Variants in RALGPS1 observed in about 807,000 individuals in gnomAD.
RALGPS1 encodes the protein Ral GEF with PH domain and SH3 binding motif 1.
A neutral mutation model predicts 78.8 loss-of-function variants in RALGPS1; 19 were observed. The ratio of observed to expected loss-of-function variants is 0.24; its 90% confidence interval spans 0.17 to 0.35. The LOEUF is 0.35. Among genes scored for constraint, RALGPS1 ranks in the 10% least tolerant of loss-of-function variants. The probability of loss-of-function intolerance (pLI) is 1.00; values close to 1 mark genes in which losing one functional copy is unlikely to be tolerated. For missense variants in RALGPS1, 454 were observed against 688.3 expected (o/e 0.66, Z 3.81); for synonymous variants, 228 against 256.3 (o/e 0.89, Z 1.06).
chr9:127,107,729 T>C (rs1212332073), intron 8 of RALGPS1, among the ~76,000 whole-genome samples: 1 of 152,186 alleles, frequency 6.6e-6, no homozygotes, highest in East Asian at 1.9e-4. Context: ...CTAAGGAATG[T>C]GGTTCCCCTG....
rs78688500 is a variant in RALGPS1, at chr9:127,183,707, G to A, written c.910+8925G>A. On this transcript the variant is annotated intron_variant, in intron 11 of 18. Transcript: ENST00000259351. This position sits in a 1 kb window ranked among gnomAD's most constrained non-coding sequence, Gnocchi z 4.0. ...AGAGAACAGCCAGGGGCAAGCTGTA[G>A]GCCCTCTCTCCATGTGCTCCTCTCT... 2.9e-3 allele frequency among the ~76,000 whole-genome samples: 437 copies of A among 152,206 alleles called. No individual in the cohort carries two copies. The highest frequency in any genetic ancestry group is 4.6e-3 in the Admixed American group (71 of 15,280).
At chr9:127,040,449 C>T (rs1469590468) in intron 5 of RALGPS1, among the ~76,000 whole-genome samples, 1 of 151,998 alleles carries the variant, frequency 6.6e-6, no homozygotes, top group Non-Finnish European at 1.5e-5. Flanking sequence ...GATTGGTCTG[C>T]TTAAGAGGAA....
chr9:127,105,214 C>G (rs761959463), intron 8 of RALGPS1, among the ~76,000 whole-genome samples: 28 of 152,152 alleles, frequency 1.8e-4, no homozygotes, highest in African/African-American at 4.8e-4. Context: ...GGGATCCTTG[C>G]GTAACAAAGA....
intron 3 of RALGPS1, among the ~76,000 whole-genome samples, chr9:126,968,248 G>T (rs1038819480): frequency 6.6e-6 from 1 of 151,970 alleles, no homozygotes. Context: ...TGATCTGCTC[G>T]CCTCGGCCTC....
intron 1 of RALGPS1, among the ~76,000 whole-genome samples, chr9:126,958,761 C>CT (rs913595037): frequency 6.6e-6 from 1 of 152,026 alleles, no homozygotes; most frequent in African/African-American, 2.4e-5. Flanking sequence ...CATATGTTTT[C>CT]TTTTTTTAGG....
chr9:127,053,654 CA>C (rs1480856029), intron 7 of RALGPS1, among the ~76,000 whole-genome samples: 1 of 152,168 alleles, frequency 6.6e-6, no homozygotes, highest in Non-Finnish European at 1.5e-5. Flanking sequence ...ACGGAACTGA[CA>C]AAAACTGTAT....
chr9:127,033,848 A>G (rs1436553812), intron 4 of RALGPS1, among the ~76,000 whole-genome samples: 1 of 152,236 alleles, frequency 6.6e-6, no homozygotes, highest in Non-Finnish European at 1.5e-5. Flanking sequence ...AAAAGAGACA[A>G]GGCCTCTGAA....
intron 4 of RALGPS1, among the ~76,000 whole-genome samples, chr9:127,029,105 C>A (rs537755544): frequency 2.5e-4 from 38 of 152,234 alleles, no homozygotes; most frequent in African/African-American, 9.1e-4. Flanking sequence ...ATATGGTCTC[C>A]TGGGGTGAAT....
At chr9:126,946,292 G>A (rs1020811996) in intron 1 of RALGPS1, among the ~76,000 whole-genome samples, 6 of 152,172 alleles carry the variant, frequency 3.9e-5, no homozygotes, top group African/African-American at 7.2e-5. Flanking sequence ...TGCCTCACTC[G>A]GGAGGCCGAG....
chr9:126,932,426 G>C (rs1185813981), intron 1 of RALGPS1, among the ~76,000 whole-genome samples: 1 of 152,152 alleles, frequency 6.6e-6, no homozygotes, highest in Non-Finnish European at 1.5e-5. Flanking sequence ...AATACATATG[G>C]ATGTGTACCA....
intron 9 of RALGPS1, among the ~76,000 whole-genome samples, chr9:127,167,665 C>T (rs2059362671): frequency 6.6e-6 from 1 of 152,256 alleles, no homozygotes; most frequent in Non-Finnish European, 1.5e-5. Context: ...AGAGAGAGGA[C>T]ACTGAGGCTT....
intron 11 of RALGPS1, among the ~76,000 whole-genome samples, chr9:127,181,988 G>A (rs1232072888): frequency 1.3e-5 from 2 of 151,652 alleles, no homozygotes; most frequent in Admixed American, 6.6e-5. Context: ...GGCCCCTCCC[G>A]CCCATCCATT....
intron 8 of RALGPS1, among the ~76,000 whole-genome samples, chr9:127,083,484 G>A (rs531070170): frequency 3.9e-5 from 6 of 152,208 alleles, no homozygotes; most frequent in South Asian, 2.1e-4. Context: ...AAGGGAAAAG[G>A]AAAGAGCAAG....
chr9:126,986,164 A>AG (rs1228651370), intron 4 of RALGPS1, among the ~76,000 whole-genome samples: 3 of 152,206 alleles, frequency 2.0e-5, no homozygotes, highest in African/African-American at 7.2e-5. Flanking sequence ...ACATCATTTC[A>AG]GGGCTTAGAG....
At chr9:127,097,388 C>T (rs768570684) in intron 8 of RALGPS1, among the ~76,000 whole-genome samples, 1 of 152,208 alleles carries the variant, frequency 6.6e-6, no homozygotes, top group Non-Finnish European at 1.5e-5. Flanking sequence ...GCATATGTGT[C>T]TGTACACGGA....
intron 3 of RALGPS1, among the ~76,000 whole-genome samples, chr9:126,969,427 T>C (rs923506283): frequency 7.9e-5 from 12 of 152,214 alleles, no homozygotes; most frequent in African/African-American, 2.2e-4. Context: ...TTTTACACTT[T>C]ATGGTGCTAG....
At chr9:127,075,786 T>C (rs2050621470) in intron 8 of RALGPS1, among the ~76,000 whole-genome samples, 1 of 152,270 alleles carries the variant, frequency 6.6e-6, no homozygotes, top group Non-Finnish European at 1.5e-5. Context: ...TTATGGGCTT[T>C]ATTTTTGTAA....
chr9:127,003,776 A>G (rs2043572285), intron 4 of RALGPS1, among the ~76,000 whole-genome samples: 1 of 151,976 alleles, frequency 6.6e-6, no homozygotes, highest in Admixed American at 6.6e-5. Flanking sequence ...TTACATAGGT[A>G]ATGTGTGCCA....
chr9:127,115,493 G>T (rs1438142569), intron 8 of RALGPS1, among the ~76,000 whole-genome samples: 1 of 152,156 alleles, frequency 6.6e-6, no homozygotes. Flanking sequence ...CTAAGAGAAA[G>T]GTATTATATC....
Sources: allele counts gnomAD v4.1 joint callset (sites outside exome capture counted in the v4.1 genomes callset), GRCh38; gene constraint gnomAD v4.1.1; non-coding constraint Gnocchi (gnomAD v3.1); transcripts MANE v1.5; gene names NCBI Gene and HGNC (gene_info 2026-07-23, HGNC 2026-07-21).